The following NRAP variants were observed in gnomAD, a reference collection of about 807,000 sequenced individuals.
The protein encoded by NRAP is nebulin-related-anchoring protein.
A neutral mutation model predicts 225.9 loss-of-function variants in NRAP; 189 were observed. That is an observed-to-expected ratio of 0.84 (90% CI 0.74 to 0.94). NRAP has a LOEUF of 0.94. Among genes scored for constraint, NRAP ranks in the 40% least tolerant of loss-of-function variants. The pLI, the probability that NRAP is intolerant of heterozygous loss-of-function variation, is 0.00. For missense variants in NRAP, 2,176 were observed against 2,168.7 expected (o/e 1.00, Z -0.07); for synonymous variants, 769 against 790.7 (o/e 0.97, Z 0.46).
At position 113,590,800 on chromosome 10, in the gene NRAP, G is replaced by A. The variant is rs1279856011; in HGVS notation, c.4734C>T (p.Leu1578=). Residue 1578 remains leucine (L), a synonymous_variant, in exon 40 of 42, where the codon CTC becomes CTT. Coordinates refer to ENST00000359988, the MANE Select transcript of NRAP (RefSeq NM_198060.4). ...VDDDPRMKHF[L]NVGRLQSDNE... ...TGTCACTCTGGAGCCTGCCAACGTT[G>A]AGGAAATGCTTCATCCTTGGGTCAT... 1 of 1,614,092 alleles carries A rather than the reference G, an allele frequency of 6.2e-7. No homozygotes were observed. The highest frequency in any genetic ancestry group is 8.5e-7 in the Non-Finnish European group (1 of 1,180,028).
chr10:113,655,382 A>G (rs529142505), intron 4 of NRAP, among the ~76,000 whole-genome samples: 97 of 152,254 alleles, frequency 6.4e-4, no homozygotes, highest in Non-Finnish European at 1.2e-3. Flanking sequence ...TGTTCCTTGC[A>G]AATTTGCAAT....
intron 11 of NRAP, among the ~76,000 whole-genome samples, chr10:113,644,652 A>T (rs1205680184): frequency 6.6e-6 from 1 of 152,214 alleles, no homozygotes; most frequent in Non-Finnish European, 1.5e-5. Flanking sequence ...GTCATCTACC[A>T]CTTCAAAGTA....
At chr10:113,623,069 C>T (rs944142819) in intron 23 of NRAP, among the ~76,000 whole-genome samples, 1 of 152,202 alleles carries the variant, frequency 6.6e-6, no homozygotes, top group African/African-American at 2.4e-5. Flanking sequence ...CATTATTTTG[C>T]AATTACCAAT....
intron 26 of NRAP, among the ~76,000 whole-genome samples, 166 bp from the exon 27 acceptor site, chr10:113,615,982 G>A (rs576525623): frequency 5.3e-5 from 8 of 152,230 alleles, no homozygotes; most frequent in Admixed American, 6.5e-5. Flanking sequence ...ACGGTGACAC[G>A]CATGTCATTT....
chr10:113,608,162 A>G (rs1363251744), intron 32 of NRAP, among the ~76,000 whole-genome samples: 3 of 152,200 alleles, frequency 2.0e-5, no homozygotes, highest in Non-Finnish European at 4.4e-5. Context: ...CCTTGCCAGT[A>G]TGCTCCCAGG....
rs774321755 is a variant in NRAP at position 113,610,597 on chromosome 10, A to T, written c.3499-34T>A. 9.6e-6 allele frequency: 13 copies of T among 1,360,428 alleles called. No individual in the cohort carries two copies. In the South Asian group the frequency reaches 1.5e-4, roughly 16 times the overall value. The allele number at this position is 1,360,428 out of a possible 1,614,324, so 84.3% of individuals were successfully genotyped here. ...AATAATAAATACAAAGAATCAGAAA[A>T]GCCAAGCTCTCAGAACAGGGAAGCA... is the stretch of plus-strand genomic sequence containing the variant. On this transcript the variant is annotated intron_variant, in intron 30 of 41. Coordinates refer to ENST00000359988, the MANE Select transcript of NRAP (RefSeq NM_198060.4).
intron 20 of NRAP, among the ~76,000 whole-genome samples, chr10:113,628,161 C>A (rs1487617943): frequency 1.3e-5 from 2 of 152,152 alleles, no homozygotes; most frequent in African/African-American, 4.8e-5. Context: ...GGGAGAGTAT[C>A]TGATCCAACC....
At chr10:113,658,955 T>C (rs1177518959) in intron 3 of NRAP, among the ~76,000 whole-genome samples, 1 of 151,906 alleles carries the variant, frequency 6.6e-6, no homozygotes, top group Admixed American at 6.6e-5. Flanking sequence ...TTCTTAATTT[T>C]AAACATAATA....
chr10:113,638,414 A>G (rs1251865292), intron 14 of NRAP, among the ~76,000 whole-genome samples: 1 of 152,152 alleles, frequency 6.6e-6, no homozygotes, highest in Admixed American at 6.5e-5. Flanking sequence ...AATGCTCTCA[A>G]ATTAAGAACC....
intron 39 of NRAP, among the ~76,000 whole-genome samples, chr10:113,591,410 G>T (rs895676196): frequency 6.6e-6 from 1 of 152,212 alleles, no homozygotes; most frequent in Non-Finnish European, 1.5e-5. Context: ...CATGTGGCTA[G>T]TATGTAGCAG....
At chr10:113,622,373 T>C (rs1848049186) in intron 23 of NRAP, among the ~76,000 whole-genome samples, 193 bp from the exon 24 acceptor site, 1 of 152,160 alleles carries the variant, frequency 6.6e-6, no homozygotes, top group Non-Finnish European at 1.5e-5. Context: ...TATTACCTAT[T>C]ATTTCCCTTT....
chr10:113,655,488 C>G (rs1206751498), intron 4 of NRAP, among the ~76,000 whole-genome samples: 1 of 145,308 alleles, frequency 6.9e-6, no homozygotes, highest in South Asian at 2.2e-4. Context: ...CAGAGTCTTG[C>G]TCTGTCACCT....
intron 30 of NRAP, among the ~76,000 whole-genome samples, chr10:113,611,130 CT>C (rs535177183): frequency 3.4e-4 from 52 of 152,288 alleles, no homozygotes; most frequent in African/African-American, 1.2e-3. Flanking sequence ...GAGGCGCCCC[CT>C]GGGCGTCCTG....
intron 32 of NRAP, among the ~76,000 whole-genome samples, chr10:113,607,380 T>C (rs1237285595): frequency 1.0e-5 from 1 of 98,822 alleles, no homozygotes; most frequent in African/African-American, 3.9e-5. Context: ...CCAGCCTGGG[T>C]GAAAGAGCGA....
rs1253037871 is a variant in NRAP at position 113,662,701 on chromosome 10, G to C, written c.233C>G (p.Thr78Arg). 1 of 1,589,078 alleles carries C rather than the reference G, an allele frequency of 6.3e-7. No homozygotes were observed. The highest frequency in any genetic ancestry group is 8.6e-7 in the Non-Finnish European group (1 of 1,157,268). The change falls in exon 3 of 42, where the codon ACA becomes AGA. Residue 78 changes from threonine to arginine, a missense_variant. Around this residue, in one of 3 missense-constraint regions of NRAP, gnomAD observed 1,708 missense variants for 1,695.5 expected, o/e 1.01. Coordinates refer to ENST00000359988, the MANE Select transcript of NRAP (RefSeq NM_198060.4). ...TACCCCACTGATGGCCTCTGGAAAT[G>C]TCCTCACATTTAGATTTAATGGAGT... Reference protein sequence around the residue: ...YHTPLNLNVRTFPEAISGIHD... With the variant: ...YHTPLNLNVRRFPEAISGIHD...
rs547844680 is a variant in NRAP at position 113,621,776 on chromosome 10, T to C, written c.2769+93A>G. 2.4e-4 allele frequency: 285 copies of C among 1,187,372 alleles called. 1 individual carries two copies. The highest frequency in any genetic ancestry group is 2.3e-3 in the African/African-American group (149 of 66,164). 73.6% of individuals were successfully genotyped at this position (1,187,372 alleles called of 1,614,324 possible). On this transcript the variant is annotated intron_variant, in intron 24 of 41. Coordinates refer to ENST00000359988, the MANE Select transcript of NRAP (RefSeq NM_198060.4). ...AGAAACAGGTGTCCCATAGCATAAA[T>C]TGTTGCACTGAATGGCTTAGGGAAA...
chr10:113,626,737 A>T (rs776937002), intron 20 of NRAP, among the ~76,000 whole-genome samples: 1 of 152,224 alleles, frequency 6.6e-6, no homozygotes, highest in Non-Finnish European at 1.5e-5. Context: ...GGAAGGAGAC[A>T]CAGAGCCACA....
intron 41 of NRAP, chr10:113,589,329 A>G: frequency 1.7e-6 from 1 of 575,206 alleles, no homozygotes; most frequent in Non-Finnish European, 3.1e-6. Context: ...GCAGACTGTC[A>G]TATCCAGCGA....
At chr10:113,626,691 G>A (rs980436120) in intron 20 of NRAP, among the ~76,000 whole-genome samples, 4 of 152,162 alleles carry the variant, frequency 2.6e-5, no homozygotes, top group Admixed American at 1.3e-4. Context: ...CATTGTCATG[G>A]TGTTATCACA....
Sources: allele counts gnomAD v4.1 joint callset (sites outside exome capture counted in the v4.1 genomes callset), GRCh38; gene constraint gnomAD v4.1.1; regional missense constraint gnomAD v4.1.1; transcripts MANE v1.5; gene names NCBI Gene and HGNC (gene_info 2026-07-23, HGNC 2026-07-21).